TTC22: variants seen among roughly 807,000 people sequenced by gnomAD.
TTC22 encodes tetratricopeptide repeat protein 22.
In TTC22, 42 loss-of-function variants were observed where a neutral mutation model predicts 48.2. The observed-to-expected ratio is 0.87, with a 90% CI of 0.68 to 1.13. The LOEUF is 1.13. TTC22 is among the 50% of genes most tolerant of loss of function. TTC22 has a pLI of 0.00. For missense variants in TTC22, 784 were observed against 807.0 expected (o/e 0.97, Z 0.34); for synonymous variants, 345 against 365.5 (o/e 0.94, Z 0.64).
At chr1:54,797,308 G>C (rs1172536) in intron 1 of TTC22, among the ~76,000 whole-genome samples, 59 of 152,278 alleles carry the variant, frequency 3.9e-4, no homozygotes, top group Non-Finnish European at 7.1e-4. Flanking sequence ...TTAGAGGGTT[G>C]ATGGGAGGAG....
chr1:54,795,651 G>A (rs886994016), intron 1 of TTC22, among the ~76,000 whole-genome samples: 2 of 152,194 alleles, frequency 1.3e-5, no homozygotes, highest in African/African-American at 4.8e-5. Flanking sequence ...AGCTCCTCCC[G>A]TGGGTCTGTG....
intron 1 of TTC22, among the ~76,000 whole-genome samples, chr1:54,796,926 G>T (rs1646396083): frequency 6.6e-6 from 1 of 152,174 alleles, no homozygotes; most frequent in Admixed American, 6.5e-5. Flanking sequence ...AAGAAACCAT[G>T]TGGGGGTAAG....
intron 1 of TTC22, among the ~76,000 whole-genome samples, chr1:54,798,479 G>T (rs1441954073): frequency 2.6e-5 from 4 of 152,176 alleles, no homozygotes; most frequent in African/African-American, 9.7e-5. Flanking sequence ...CCCTGTTTTT[G>T]GTTCAGAAAG....
intron 1 of TTC22, chr1:54,793,106 C>T (rs1409778385): frequency 6.6e-6 from 1 of 152,154 alleles, no homozygotes; most frequent in Non-Finnish European, 1.5e-5. Flanking sequence ...CTCATTCGAT[C>T]CTTATCACAA....
chr1:54,790,421 G>A lies in TTC22; in HGVS notation c.568-2324C>T, dbSNP rs148097415. ...CTAGAGCTCAGGAATGCCAAGATCCGACGGATGTGTGCCTTTACATTTGTA... is the reference window on the plus strand; with the variant it reads ...CTAGAGCTCAGGAATGCCAAGATCCAACGGATGTGTGCCTTTACATTTGTA... On this transcript the variant is annotated intron_variant, in intron 1 of 6. Coordinates refer to ENST00000371276, the MANE Select transcript of TTC22 (RefSeq NM_001114108.2). Among the ~76,000 whole-genome samples, 51 of 152,328 alleles carry A rather than the reference G, an allele frequency of 3.3e-4. No individual in the cohort carries two copies. The East Asian group carries it at 8.5e-3, about 25-fold the overall frequency.
In TTC22 at chr1:54,800,823, C is replaced by A; in HGVS notation, c.341G>T (p.Gly114Val). The A allele has an allele frequency of 6.3e-7, 1 of 1,597,250 alleles. No homozygotes were observed. Among genetic ancestry groups the A allele is most frequent in the African/African-American group, 1.3e-5 (1 of 74,728 alleles). Reference protein sequence around the residue: ...ANLAHVYGRLGQEEEEEACAA... With the variant: ...ANLAHVYGRLVQEEEEEACAA... ...GCACGCCTCCTCCTCTTCTTCCTGG[C>A]CCAGCCGCCCGTACACGTGTGCCAG... The change falls in exon 1 of 7, where the codon GGC becomes GTC. Residue 114 changes from glycine to valine, a missense_variant. Coordinates refer to ENST00000371276, the MANE Select transcript of TTC22 (RefSeq NM_001114108.2).
Position 54,800,753 on chromosome 1 carries a change from C to G in TTC22, c.411G>C (p.Glu137Asp). Residue 137 changes from glutamate to aspartate, a missense_variant, in exon 1 of 7, where the codon GAG (glutamate) becomes GAC (aspartate). Coordinates refer to ENST00000371276, the MANE Select transcript of TTC22 (RefSeq NM_001114108.2). ...CGCGGAGCTGGGGGTCCCCGGCGGCCTCGGGCTCCTCTGCCAGGCCCATGA... is the reference window on the plus strand; with the variant it reads ...CGCGGAGCTGGGGGTCCCCGGCGGCGTCGGGCTCCTCTGCCAGGCCCATGA... The part of the protein sequence containing the change: ...ADLMGLAEEP[E>D]AAGDPQLRAA... 1 of 1,547,660 alleles carries G rather than the reference C, an allele frequency of 6.5e-7. No individual in the cohort carries two copies. The highest frequency in any genetic ancestry group is 8.7e-7 in the Non-Finnish European group (1 of 1,150,008).
chr1:54,801,170 T>C lies in TTC22; in HGVS notation c.-7A>G. 1.9e-6 allele frequency: 3 copies of C among 1,609,788 alleles called. No homozygotes were observed. The highest frequency in any genetic ancestry group is 8.5e-7 in the Non-Finnish European group (1 of 1,177,706). ...CAGCCTCCAGCTCCGCCATGACTGCTCCCTCTGCTCCCCTGGCCTCACCCT... is the reference window on the plus strand; with the variant it reads ...CAGCCTCCAGCTCCGCCATGACTGCCCCCTCTGCTCCCCTGGCCTCACCCT... On this transcript the variant is annotated 5_prime_UTR_variant, in exon 1 of 7. Coordinates refer to ENST00000371276, the MANE Select transcript of TTC22 (RefSeq NM_001114108.2).
intron 4 of TTC22, 132 bp from the exon 5 acceptor site, chr1:54,786,276 A>T: frequency 1.4e-6 from 1 of 729,024 alleles, no homozygotes; most frequent in Non-Finnish European, 2.2e-6. Flanking sequence ...ACCCATATCC[A>T]CCCTTATCCA....
chr1:54,794,182 A>C (rs574569665), intron 1 of TTC22, among the ~76,000 whole-genome samples: 5 of 152,276 alleles, frequency 3.3e-5, no homozygotes, highest in African/African-American at 1.2e-4. Flanking sequence ...TAGTGAGTAA[A>C]AGGATCAGAA....
At chr1:54,787,922 G>T in intron 2 of TTC22, 96 bp from the exon 3 acceptor site, 1 of 1,480,228 alleles carries the variant, frequency 6.8e-7, no homozygotes, top group Non-Finnish European at 9.4e-7. Flanking sequence ...GGGGGTGGCG[G>T]TTTGGGGAGC....
intron 6 of TTC22, 118 bp downstream of exon 6, chr1:54,782,207 T>C: frequency 2.0e-6 from 2 of 998,610 alleles, no homozygotes; most frequent in South Asian, 3.5e-5. Context: ...AGGAGATGGG[T>C]ACTGTTATCA....
chr1:54,783,349 A>G (rs930288537), intron 5 of TTC22, among the ~76,000 whole-genome samples: 4 of 152,106 alleles, frequency 2.6e-5, no homozygotes, highest in Non-Finnish European at 4.4e-5. Flanking sequence ...GAGTTCCACA[A>G]CTCTATGAAC....
chr1:54,793,102 C>T (rs960893658), intron 1 of TTC22: 2 of 152,134 alleles, frequency 1.3e-5, no homozygotes, highest in Non-Finnish European at 1.5e-5. Flanking sequence ...TTCTCTCATT[C>T]GATCCTTATC....
Position 54,799,423 on chromosome 1 carries a change from T to C in TTC22, c.567+1174A>G, listed in dbSNP as rs574495164. 2.6e-5 allele frequency among the ~76,000 whole-genome samples: 4 copies of C among 152,292 alleles called. No individual in the cohort carries two copies. The East Asian group carries it at 7.7e-4, about 29-fold the overall frequency. On this transcript the variant is annotated intron_variant, in intron 1 of 6. Coordinates refer to ENST00000371276, the MANE Select transcript of TTC22 (RefSeq NM_001114108.2). ...GAGCAGGAAAGTGCCTCAGAGACCA[T>C]GTAGCCCCTGCTTCCTGCACCCCTT...
intron 1 of TTC22, among the ~76,000 whole-genome samples, chr1:54,788,780 C>T (rs1264092453): frequency 6.6e-6 from 1 of 152,190 alleles, no homozygotes; most frequent in Non-Finnish European, 1.5e-5. Flanking sequence ...CTGTGGCCTC[C>T]TCAGCTGTGG....
Position 54,801,239 on chromosome 1 carries a change from A to C in TTC22, c.-76T>G. 1 of 1,458,152 alleles carries C rather than the reference A, an allele frequency of 6.9e-7. No individual in the cohort carries two copies. Among genetic ancestry groups the C allele is most frequent in the Non-Finnish European group, 9.3e-7 (1 of 1,076,820 alleles). The allele number at this position is 1,458,152 out of a possible 1,614,324, so 90.3% of individuals were successfully genotyped here. On this transcript the variant is annotated 5_prime_UTR_variant, in exon 1 of 7. Coordinates refer to ENST00000371276, the MANE Select transcript of TTC22 (RefSeq NM_001114108.2). ...GGGCAGTGGATGGGGGCGTTCCCCG[A>C]GCGAGCTCCGTGCGGGAGGCGAGGG... is the stretch of plus-strand genomic sequence containing the variant.
chr1:54,800,557 A>T lies in TTC22; in HGVS notation c.567+40T>A. On this transcript the variant is annotated intron_variant, in intron 1 of 6. Coordinates refer to ENST00000371276, the MANE Select transcript of TTC22 (RefSeq NM_001114108.2). ...ACAGAAGGGACCATGGGAGGACCAC[A>T]GTCCTCCCAGAGGGAGGTAGGGAGA... 2.2e-6 allele frequency: 3 copies of T among 1,375,584 alleles called. No homozygotes were observed. The African/African-American group carries it at 4.6e-5, about 21-fold the overall frequency. The allele number at this position is 1,375,584 out of a possible 1,614,324, so 85.2% of individuals were successfully genotyped here.
chr1:54,785,862 T>C, intron 5 of TTC22, 121 bp downstream of exon 5: 1 of 936,628 alleles, frequency 1.1e-6, no homozygotes, highest in South Asian at 1.7e-5. Flanking sequence ...TGATGGCTCC[T>C]AAGCTCCCTT....
Sources: gnomAD v4.1 joint callset for allele counts (sites outside exome capture counted in the v4.1 genomes callset) on GRCh38, gnomAD v4.1.1 for gene constraint, MANE v1.5 for transcripts, NCBI Gene and HGNC (gene_info 2026-07-23, HGNC 2026-07-21) for gene names.